ACSL3: variants seen among roughly 807,000 people sequenced by gnomAD.
The protein encoded by ACSL3 is fatty acid CoA ligase Acsl3.
ACSL3 carries 34 observed loss-of-function variants against 84.7 expected under a neutral mutation model. That is an observed-to-expected ratio of 0.40 (90% CI 0.31 to 0.53). The LOEUF is 0.53. ACSL3 is among the 20% of genes least tolerant of loss of function. The pLI, the probability that ACSL3 is intolerant of heterozygous loss-of-function variation, is 0.48. For synonymous variants in ACSL3, 315 were observed against 299.4 expected (o/e 1.05, Z -0.54); for missense variants, 680 against 873.1 (o/e 0.78, Z 2.79).
rs115578183 is a variant in ACSL3, at chr2:222,892,092, G to T, written c.-148+4204G>T. 6.3e-3 allele frequency among the ~76,000 whole-genome samples: 955 copies of T among 152,248 alleles called. 10 individuals are homozygous for T. The highest frequency in any genetic ancestry group is 0.022 in the African/African-American group (904 of 41,528). On this transcript the variant is annotated intron_variant, in intron 2 of 16. Transcript: ENST00000357430. ...GATGTCATACATTGCAACTGTGTGG[G>T]CATAGTTGAAATCTTTGAAGTTGTT...
At chr2:222,936,425 A>ATT in intron 16 of ACSL3, among the ~76,000 whole-genome samples, 1 of 152,034 alleles carries the variant, frequency 6.6e-6, no homozygotes, top group East Asian at 1.9e-4. Flanking sequence ...ACATTTGTAT[A>ATT]TTTTTTTCTA....
At chr2:222,922,677 T>A (rs1241473032) in intron 8 of ACSL3, 31 bp from the exon 9 acceptor site, 2 of 1,612,822 alleles carry the variant, frequency 1.2e-6, no homozygotes, top group Non-Finnish European at 1.7e-6. Flanking sequence ...GACACCTGAC[T>A]TTTGTTTCTG....
At chr2:222,909,467 C>T in intron 4 of ACSL3, 3 of 246,552 alleles carry the variant, frequency 1.2e-5, no homozygotes, top group South Asian at 6.1e-5. Flanking sequence ...GAAATGGCTC[C>T]AGGTTTTGGG....
Position 222,930,679 on chromosome 2 carries a change from A to G in ACSL3, c.1599A>G (p.Gln533=). 1.2e-6 allele frequency: 2 copies of G among 1,614,176 alleles called. No individual in the cohort carries two copies. Among genetic ancestry groups the G allele is most frequent in the Non-Finnish European group, 1.7e-6 (2 of 1,180,002 alleles). Residue 533 remains glutamine, a synonymous_variant, in exon 14 of 17, where the codon CAA becomes CAG. Transcript: ENST00000357430. ...HPRGEILIGG[Q]SVTMGYYKNE... ...GGGGTGAAATTCTTATTGGGGGCCA[A>G]AGTGTGACAATGGGGTACTACAAAA...
intron 6 of ACSL3, 48 bp from the exon 7 acceptor site, chr2:222,919,016 A>G: frequency 4.4e-6 from 7 of 1,600,940 alleles, no homozygotes; most frequent in Non-Finnish European, 6.0e-6. Flanking sequence ...CTTATTCGCT[A>G]AGCTGCTTGA....
chr2:222,927,873 C>T (rs904094858), intron 12 of ACSL3, among the ~76,000 whole-genome samples: 2 of 152,096 alleles, frequency 1.3e-5, no homozygotes, highest in Admixed American at 6.5e-5. Context: ...CTCTGTATAC[C>T]ATTTTCATGT....
chr2:222,925,924 C>T (rs140980657), intron 11 of ACSL3, among the ~76,000 whole-genome samples: 108 of 152,234 alleles, frequency 7.1e-4, no homozygotes, highest in African/African-American at 2.5e-3. Flanking sequence ...GGAAGTATGA[C>T]ATTCAAAGTA....
chr2:222,914,969 G>C (rs895128659), intron 4 of ACSL3, among the ~76,000 whole-genome samples: 3 of 152,188 alleles, frequency 2.0e-5, no homozygotes, highest in Non-Finnish European at 4.4e-5. Flanking sequence ...CCACATGGTG[G>C]CATCATTGCA....
intron 1 of ACSL3, among the ~76,000 whole-genome samples, chr2:222,884,999 A>G (rs1039009353): frequency 1.3e-5 from 2 of 152,206 alleles, no homozygotes; most frequent in Non-Finnish European, 1.5e-5. Flanking sequence ...TGCCACGTTA[A>G]AGTGATTTGT....
chr2:222,878,873 A>G (rs1203574120), intron 1 of ACSL3, among the ~76,000 whole-genome samples: 3 of 152,174 alleles, frequency 2.0e-5, no homozygotes, highest in Non-Finnish European at 4.4e-5. Context: ...TACCTCAGAG[A>G]AGCCTGTACA....
intron 2 of ACSL3, among the ~76,000 whole-genome samples, chr2:222,891,460 TG>T (rs1695843980): frequency 6.6e-6 from 1 of 152,200 alleles, no homozygotes; most frequent in Non-Finnish European, 1.5e-5. Flanking sequence ...ATCCCTGTTG[TG>T]TATCTAACTG....
At chr2:222,892,884 C>G (rs1434538989) in intron 2 of ACSL3, among the ~76,000 whole-genome samples, 1 of 152,158 alleles carries the variant, frequency 6.6e-6, no homozygotes, top group Admixed American at 6.5e-5. Flanking sequence ...TGCCTGCACT[C>G]AGAATTGTTT....
At chr2:222,862,601 T>C (rs1559271285) in intron 1 of ACSL3, among the ~76,000 whole-genome samples, 1 of 152,200 alleles carries the variant, frequency 6.6e-6, no homozygotes. Context: ...CAGACTTGAT[T>C]TTGTTTTCTG....
intron 1 of ACSL3, among the ~76,000 whole-genome samples, chr2:222,869,138 T>G (rs1258511348): frequency 1.3e-5 from 2 of 152,192 alleles, no homozygotes; most frequent in African/African-American, 4.8e-5. Context: ...ATTCAGATGG[T>G]GTTTCTAAGT....
chr2:222,919,682 C>T (rs1020789612), intron 7 of ACSL3, among the ~76,000 whole-genome samples: 1 of 152,150 alleles, frequency 6.6e-6, no homozygotes, highest in African/African-American at 2.4e-5. Flanking sequence ...CTCAAAAAAG[C>T]GTCAGAAAAT....
At chr2:222,886,838 A>G (rs933779908) in intron 1 of ACSL3, among the ~76,000 whole-genome samples, 2 of 152,096 alleles carry the variant, frequency 1.3e-5, no homozygotes, top group Non-Finnish European at 2.9e-5. Flanking sequence ...CTTCCCCTAC[A>G]CAGGCATAGC....
At chr2:222,930,590 T>A (rs1697003378) in intron 13 of ACSL3, 31 bp from the exon 14 acceptor site, 5 of 1,511,484 alleles carry the variant, frequency 3.3e-6, no homozygotes, top group East Asian at 2.3e-5. Context: ...TGTATTTAAC[T>A]CAACTATTAA....
intron 15 of ACSL3, among the ~76,000 whole-genome samples, chr2:222,934,027 A>T (rs1697105666): frequency 6.6e-6 from 1 of 152,230 alleles, no homozygotes; most frequent in Non-Finnish European, 1.5e-5. Flanking sequence ...GCCTTCAAAA[A>T]AGTATTTGCC....
chr2:222,940,111 A>C (rs12694586), intron 16 of ACSL3, among the ~76,000 whole-genome samples: 124,940 of 152,200 alleles, frequency 0.82, 51,513 homozygotes, highest in East Asian at 0.97. Context: ...ATCTCCTTTA[A>C]ATGTTTTCCT....
Sources: gnomAD v4.1 joint callset for allele counts (sites outside exome capture counted in the v4.1 genomes callset) on GRCh38, gnomAD v4.1.1 for gene constraint, MANE v1.5 for transcripts, NCBI Gene and HGNC (gene_info 2026-07-23, HGNC 2026-07-21) for gene names.